The following ZNF117 variants were observed in gnomAD, a reference collection of about 807,000 sequenced individuals.
The protein encoded by ZNF117 is Krueppel-related zinc finger protein.
A neutral mutation model predicts 41.2 loss-of-function variants in ZNF117; 37 were observed. The ratio of observed to expected loss-of-function variants is 0.90; its 90% CI spans 0.69 to 1.18. The LOEUF (loss-of-function observed/expected upper bound fraction) is 1.18. Ranked by LOEUF, ZNF117 falls within the 50% of genes most tolerant of loss-of-function variation. The pLI is 0.00. For synonymous variants in ZNF117, 186 were observed against 186.6 expected (o/e 1.00, Z 0.02); for missense variants, 546 against 557.5 (o/e 0.98, Z 0.21).
chr7:64,981,255 TAA>T, intron 2 of ZNF117, 130 bp downstream of exon 3: 1 of 1,132,144 alleles, frequency 8.8e-7, no homozygotes, highest in Admixed American at 2.5e-5. Flanking sequence ...GAGAGAAAAA[TAA>T]AAAAAAACTC....
chr7:64,978,984 T>G, exon 3 of ZNF117: 1 of 1,613,454 alleles, frequency 6.2e-7, no homozygotes, highest in Non-Finnish European at 8.5e-7. Context: ...GCCACATTCT[T>G]CACATTTGTA....
At chr7:64,979,617 C>G (rs1374541071) in intron 2 of ZNF117, 81 bp from the exon 4 acceptor site, 2 of 1,117,230 alleles carry the variant, frequency 1.8e-6, no homozygotes, top group Non-Finnish European at 2.4e-6. Context: ...CATAAAGTTA[C>G]AGAAACTACA....
chr7:64,989,377 C>T (rs1237445824), intron 1 of ZNF117, among the ~76,000 whole-genome samples: 2 of 140,826 alleles, frequency 1.4e-5, no homozygotes, highest in South Asian at 4.6e-4. Flanking sequence ...AAACTGGATG[C>T]CTTTCTTACA....
exon 3 of ZNF117, chr7:64,978,621 A>C (rs750034965): frequency 6.2e-7 from 1 of 1,607,018 alleles, no homozygotes; most frequent in Non-Finnish European, 8.5e-7. Flanking sequence ...AAGATTTGAA[A>C]ATTGTTTAAA....
At chr7:64,983,520 A>T (rs1475111945), upstream of ZNF117, among the ~76,000 whole-genome samples, 1 of 152,234 alleles carries the variant, frequency 6.6e-6, no homozygotes, top group African/African-American at 2.4e-5. Context: ...TGCAAGAACT[A>T]AATGCATGGC....
rs532637608 is a variant in ZNF117, at chr7:64,977,854, T to C, written c.*265A>G. ...CCAATATGAATTTTCTTATGTTTAA[T>C]AAGGTTTGATGATCAATTAAAAGCT... On this transcript the variant is annotated 3_prime_UTR_variant, in exon 3 of 3. Transcript: ENST00000620222. 61 of 1,129,416 alleles carry C rather than the reference T, an allele frequency of 5.4e-5. No homozygotes were observed. The East Asian group carries it at 1.4e-3, about 26-fold the overall frequency. The allele number at this position is 1,129,416 out of a possible 1,614,324, so 70.0% of individuals were successfully genotyped here.
exon 3 of ZNF117, chr7:64,976,804 C>T (rs1785897041): frequency 2.6e-6 from 1 of 383,106 alleles, no homozygotes; most frequent in Non-Finnish European, 5.2e-6. Flanking sequence ...ATTGTCACAT[C>T]TTTCAGGTTT....
downstream of ZNF117, chr7:64,971,896 G>A (rs1205227374): frequency 1.3e-5 from 2 of 151,898 alleles, no homozygotes; most frequent in Non-Finnish European, 2.9e-5. Flanking sequence ...TCAACAAAAT[G>A]AGACAACTGA....
chr7:64,980,089 T>C (rs1785993559), intron 2 of ZNF117: 1 of 153,168 alleles, frequency 6.5e-6, no homozygotes, highest in African/African-American at 2.4e-5. Context: ...GGAACAGTTG[T>C]GGCAAGTGAT....
chr7:64,972,379 C>T (rs1785797514), downstream of ZNF117: 1 of 151,910 alleles, frequency 6.6e-6, no homozygotes. Context: ...TTCACAATTA[C>T]CAAAATACAC....
At chr7:64,985,041 C>T (rs1786105730), upstream of ZNF117, among the ~76,000 whole-genome samples, 1 of 152,184 alleles carries the variant, frequency 6.6e-6, no homozygotes, top group South Asian at 2.1e-4. Context: ...ATCCACCCAC[C>T]TTGGCATCCC....
At chr7:64,978,743 C>T in exon 3 of ZNF117, 2 of 1,610,660 alleles carry the variant, frequency 1.2e-6, no homozygotes, top group Middle Eastern at 1.7e-4. Context: ...CACATTTGTA[C>T]AGCTTCTCTC....
At chr7:64,978,167 A>C in exon 3 of ZNF117, 1 of 1,612,172 alleles carries the variant, frequency 6.2e-7, no homozygotes, top group East Asian at 2.2e-5. Flanking sequence ...GTTTCTCTTC[A>C]GTATGAATTA....
upstream of ZNF117, among the ~76,000 whole-genome samples, chr7:64,984,157 A>G (rs951817047): frequency 6.6e-6 from 1 of 151,690 alleles, no homozygotes; most frequent in Admixed American, 6.6e-5. Flanking sequence ...TTTGAGACGG[A>G]GTCTTGCTCT....
intron 1 of ZNF117, 134 bp downstream of exon 2, chr7:64,981,850 G>C (rs996385204): frequency 1.7e-5 from 6 of 362,512 alleles, no homozygotes; most frequent in Admixed American, 4.4e-5. Flanking sequence ...TTTCTACAAT[G>C]ACAAATCTAA....
In ZNF117 at chr7:64,978,157, G is replaced by A; in HGVS notation, c.1414C>T (p.Gln472Ter). The change falls in exon 3 of 3, where the codon CAG (glutamine) becomes TAG (stop). Residue 472 changes from glutamine to a stop codon, truncating the protein, a stop_gained. Transcript: ENST00000620222. LOFTEE classifies it high-confidence loss of function. ...TTGCCACATTCATCACATTTGTACT[G>A]TTTCTCTTCAGTATGAATTATCTTA... The A allele has an allele frequency of 2.5e-6, 4 of 1,611,498 alleles. No homozygotes were observed. Among genetic ancestry groups the A allele is most frequent in the Non-Finnish European group, 3.4e-6 (4 of 1,179,078 alleles).
At chr7:64,985,362 A>C (rs190414519), upstream of ZNF117, among the ~76,000 whole-genome samples, 7 of 152,360 alleles carry the variant, frequency 4.6e-5, no homozygotes, top group Admixed American at 2.0e-4. Context: ...ATTCTATCAA[A>C]GGAACTTAGT....
chr7:64,977,455 A>G, exon 3 of ZNF117: 1 of 470,962 alleles, frequency 2.1e-6, no homozygotes, highest in Non-Finnish European at 4.2e-6. Flanking sequence ...CATCGACTGA[A>G]AGTTTTGCCA....
At chr7:64,974,178 T>C (rs1246878571), downstream of ZNF117, 1 of 151,858 alleles carries the variant, frequency 6.6e-6, no homozygotes, top group Non-Finnish European at 1.5e-5. Flanking sequence ...CTAAATATAA[T>C]TAATACACAA....
Sources: gnomAD v4.1 joint callset for allele counts (sites outside exome capture counted in the v4.1 genomes callset) on GRCh38, gnomAD v4.1.1 for gene constraint, MANE v1.5 for transcripts, NCBI Gene and HGNC (gene_info 2026-07-23, HGNC 2026-07-21) for gene names.